LPA: variants seen among roughly 807,000 people sequenced by gnomAD.
LPA encodes the protein lipoprotein(a).
A neutral mutation model predicts 197.9 loss-of-function variants in LPA; 199 were observed. The observed-to-expected ratio is 1.01, with a 90% CI of 0.90 to 1.13. LPA has a LOEUF of 1.13. Ranked by LOEUF, LPA falls within the 50% of genes most tolerant of loss-of-function variation. The pLI, the probability that LPA is intolerant of heterozygous loss-of-function variation, is 0.00. For synonymous variants in LPA, 715 were observed against 639.5 expected, an observed-to-expected ratio of 1.12 and a Z score of -1.78; for missense variants, 1,853 against 1,785.8, an observed-to-expected ratio of 1.04 and a Z score of -0.68.
intron 16 of LPA, among the ~76,000 whole-genome samples, chr6:160,607,426 G>A (rs1250875886): frequency 6.6e-6 from 1 of 152,158 alleles, no homozygotes; most frequent in South Asian, 2.1e-4. Context: ...CTGAGGGAAA[G>A]GGGGATGAGT....
Position 160,550,222 on chromosome 6 carries a change from A to G in LPA, c.4974-1563T>C, listed in dbSNP as rs111720924. Among the ~76,000 whole-genome samples, 8 of 6,624 alleles carry G rather than the reference A, an allele frequency of 1.2e-3. No homozygotes were observed. The East Asian group carries it at 0.35, about 290-fold the overall frequency. The allele number at this position is 6,624 out of a possible 152,430, so 4.3% of individuals were successfully genotyped here. A position where few individuals can be genotyped will look rare whatever the true frequency, so the allele number is the denominator to read the frequency against. ...GCGACAGAGCGAGACTCTGTCAAGA[A>G]AAAAAAAAAAAAAAGCACAGCCGGT... On this transcript the variant is annotated intron_variant, in intron 30 of 38. Coordinates refer to ENST00000316300, the MANE Select transcript of LPA (RefSeq NM_005577.4).
chr6:160,648,080 A>G (rs1457654656), intron 2 of LPA, among the ~76,000 whole-genome samples: 1 of 152,080 alleles, frequency 6.6e-6, no homozygotes, highest in Admixed American at 6.5e-5. Flanking sequence ...ACATGGATGA[A>G]CTTCAAGGCA....
chr6:160,547,858 A>G lies in LPA; in HGVS notation c.5235T>C (p.Ala1745=). The change falls in exon 32 of 39, where the codon GCT becomes GCC. Residue 1745 remains alanine (A), a synonymous_variant. Coordinates refer to ENST00000316300, the MANE Select transcript of LPA (RefSeq NM_005577.4). ...TGCTGTGTCTATGGGGCTCCTGGGCAGCCCATTCCTGGCATGGCGTCCCAG... is the reference window on the plus strand; with the variant it reads ...TGCTGTGTCTATGGGGCTCCTGGGCGGCCCATTCCTGGCATGGCGTCCCAG... ...TVTGTPCQEW[A]AQEPHRHSTF... The G allele has an allele frequency of 6.2e-7, 1 of 1,614,172 alleles. No homozygotes were observed. Among genetic ancestry groups the G allele is most frequent in the Non-Finnish European group, 8.5e-7 (1 of 1,180,020 alleles).
intron 26 of LPA, among the ~76,000 whole-genome samples, chr6:160,581,395 G>T (rs1778799161): frequency 6.6e-6 from 1 of 152,068 alleles, no homozygotes; most frequent in African/African-American, 2.4e-5. Context: ...CACCTCATGG[G>T]CTCCAGTGAT....
At chr6:160,591,303 CACA>C (rs1364337591) in intron 22 of LPA, among the ~76,000 whole-genome samples, 3 of 152,170 alleles carry the variant, frequency 2.0e-5, no homozygotes, top group African/African-American at 7.2e-5. Context: ...CTTATTGTAA[CACA>C]TCCAAACTCG....
In LPA at chr6:160,586,821, C is replaced by T. The variant is rs377757332; in HGVS notation, c.3948-191G>A. On this transcript the variant is annotated intron_variant, in intron 24 of 38. Transcript: ENST00000316300. Reference sequence around the variant, plus strand: ...AACATTTCAAAGACAGCTTATGATTCTTATTGTAACACATTCAAAGTAATC... The same window carrying T: ...AACATTTCAAAGACAGCTTATGATTTTTATTGTAACACATTCAAAGTAATC... 1.6e-4 allele frequency among the ~76,000 whole-genome samples: 24 copies of T among 152,344 alleles called. 1 individual carries two copies. Among genetic ancestry groups the T allele is most frequent in the African/African-American group, 5.5e-4 (23 of 41,582 alleles).
At chr6:160,657,460 G>A (rs1055913787) in intron 1 of LPA, among the ~76,000 whole-genome samples, 3 of 151,156 alleles carry the variant, frequency 2.0e-5, no homozygotes, top group Non-Finnish European at 2.9e-5. Context: ...ATGCAGTGGG[G>A]CGATCTTGGC....
At chr6:160,555,436 C>CATAT (rs770158265) in intron 30 of LPA, among the ~76,000 whole-genome samples, 20,931 of 121,784 alleles carry the variant, frequency 0.17, 2,002 homozygotes, top group African/African-American at 0.19. Context: ...TTCCCTAGAA[C>CATAT]ATATATATAT....
intron 25 of LPA, among the ~76,000 whole-genome samples, chr6:160,586,161 A>G (rs1778905966): frequency 6.6e-6 from 1 of 152,154 alleles, no homozygotes; most frequent in Non-Finnish European, 1.5e-5. Context: ...ATGTTAGAAT[A>G]TCCATCTTGG....
intron 2 of LPA, among the ~76,000 whole-genome samples, chr6:160,647,982 C>T (rs1220339858): frequency 4.6e-5 from 7 of 152,188 alleles, no homozygotes; most frequent in African/African-American, 1.7e-4. Flanking sequence ...CTTAGGGTCA[C>T]CTCTTTTGTT....
intron 1 of LPA, among the ~76,000 whole-genome samples, chr6:160,662,291 G>C (rs1192077881): frequency 6.6e-6 from 1 of 152,192 alleles, no homozygotes; most frequent in African/African-American, 2.4e-5. Flanking sequence ...TTTTATTAAT[G>C]GTGTGAGAAT....
rs781306481 is a variant in LPA, at chr6:160,606,613, G to T, written c.2649C>A (p.Ala883=). 1 of 1,613,924 alleles carries T rather than the reference G, an allele frequency of 6.2e-7. No individual in the cohort carries two copies. The highest frequency in any genetic ancestry group is 2.2e-5 in the East Asian group (1 of 44,864). The change falls in exon 17 of 39, where the codon GCC becomes GCA. Residue 883 remains alanine, a synonymous_variant. Coordinates refer to ENST00000316300, the MANE Select transcript of LPA (RefSeq NM_005577.4). ...TGGGATCCCTCGTATAACAATAAGG[G>T]GCTGCCACAGGATCTGGATTCCTGC... is the stretch of plus-strand genomic sequence containing the variant. ...NYCRNPDPVA[A]PYCYTRDPSV...
chr6:160,555,903 A>C (rs1286755981), intron 30 of LPA, 122 bp downstream of exon 30: 28 of 1,050,150 alleles, frequency 2.7e-5, no homozygotes, highest in Non-Finnish European at 3.9e-5. Flanking sequence ...TTGTCTGGAC[A>C]TTTTGACACA....
At chr6:160,590,855 A>G (rs1374776263) in intron 23 of LPA, 89 bp downstream of exon 23, 2 of 1,541,998 alleles carry the variant, frequency 1.3e-6, no homozygotes, top group East Asian at 2.3e-5. Flanking sequence ...ATTCCCGTGC[A>G]GCATGGAAGG....
At chr6:160,651,380 C>A (rs955437173) in intron 1 of LPA, among the ~76,000 whole-genome samples, 2 of 152,152 alleles carry the variant, frequency 1.3e-5, no homozygotes, top group Admixed American at 6.5e-5. Flanking sequence ...TGAGAAAATT[C>A]TTCCACACCC....
At chr6:160,608,615 C>A (rs553061565) in intron 16 of LPA, among the ~76,000 whole-genome samples, 1 of 152,038 alleles carries the variant, frequency 6.6e-6, no homozygotes, top group Non-Finnish European at 1.5e-5. Flanking sequence ...CTATTTGATG[C>A]ATTGAATTTC....
intron 20 of LPA, 41 bp from the exon 21 acceptor site, chr6:160,595,576 A>G: frequency 6.2e-7 from 1 of 1,613,682 alleles, no homozygotes; most frequent in African/African-American, 1.3e-5. Flanking sequence ...GAGATGGGAG[A>G]AGATTCAAGG....
chr6:160,564,781 CG>C (rs960481515), intron 28 of LPA, among the ~76,000 whole-genome samples: 6 of 152,150 alleles, frequency 3.9e-5, no homozygotes, highest in African/African-American at 1.4e-4. Context: ...CCCGGAAAAT[CG>C]GGACACTCCC....
Sources: gnomAD v4.1 joint callset for allele counts (sites outside exome capture counted in the v4.1 genomes callset) on GRCh38, gnomAD v4.1.1 for gene constraint, MANE v1.5 for transcripts, NCBI Gene and HGNC (gene_info 2026-07-23, HGNC 2026-07-21) for gene names.